ZNF536: variants seen among roughly 807,000 people sequenced by gnomAD.
The protein encoded by ZNF536 is zinc finger protein 536.
A neutral mutation model predicts 84.5 loss-of-function variants in ZNF536; 13 were observed. That is an observed-to-expected ratio of 0.15 (90% CI 0.10 to 0.24). ZNF536 has a LOEUF of 0.24. ZNF536 is among the 10% of genes least tolerant of loss of function. The probability of loss-of-function intolerance (pLI) is 1.00; values close to 1 mark genes in which losing one functional copy is unlikely to be tolerated. For missense variants in ZNF536, 1,536 were observed against 1,747.5 expected, an observed-to-expected ratio of 0.88 and a Z score of 2.16; for synonymous variants, 811 against 742.5, an observed-to-expected ratio of 1.09 and a Z score of -1.50.
rs115034585 is a variant in ZNF536 at position 30,305,930 on chromosome 19, C to T, written c.-120+21789C>T. 4.0e-3 allele frequency among the ~76,000 whole-genome samples: 616 copies of T among 152,306 alleles called. 6 individuals carry two copies. Among genetic ancestry groups the T allele is most frequent in the African/African-American group, 0.014 (569 of 41,562 alleles). ...GGGCCAGGCATGGAGTGGATCCTCC[C>T]GACGTATTTAGTGATTTGATCTGAC... On this transcript the variant is annotated intron_variant, in intron 2 of 5. Coordinates refer to the ZNF536 transcript ENST00000585628.
chr19:30,611,503 C>G (rs963491190), intron 1 of ZNF536, among the ~76,000 whole-genome samples: 2 of 152,206 alleles, frequency 1.3e-5, no homozygotes, highest in Non-Finnish European at 2.9e-5. Context: ...CATATTTGTT[C>G]ACTTACCACA....
intron 2 of ZNF536, among the ~76,000 whole-genome samples, chr19:30,331,402 C>CTCTGCAGT (rs2047208205): frequency 6.8e-6 from 1 of 146,450 alleles, no homozygotes; most frequent in Non-Finnish European, 1.5e-5. Flanking sequence ...TCTCTTCTGT[C>CTCTGCAGT]TCTGCAGTGG....
intron 2 of ZNF536, among the ~76,000 whole-genome samples, chr19:30,317,968 G>T (rs868122606): frequency 2.6e-5 from 4 of 152,320 alleles, no homozygotes; most frequent in South Asian, 4.1e-4. Flanking sequence ...TGCCTACGCT[G>T]CAGGCTAAGC....
intron 1 of ZNF536, among the ~76,000 whole-genome samples, chr19:30,429,464 A>G (rs956139733): frequency 1.3e-5 from 2 of 152,132 alleles, no homozygotes; most frequent in African/African-American, 4.8e-5. Flanking sequence ...GTCTCCAAGA[A>G]CAACTCTAGG....
intron 1 of ZNF536, among the ~76,000 whole-genome samples, chr19:30,418,063 A>T (rs1454765437): frequency 6.6e-6 from 1 of 151,904 alleles, no homozygotes; most frequent in Non-Finnish European, 1.5e-5. Context: ...TTGTTTTGAT[A>T]TAAGTATATT....
chr19:30,651,085 C>T (rs1419266584), intron 1 of ZNF536, among the ~76,000 whole-genome samples: 1 of 152,190 alleles, frequency 6.6e-6, no homozygotes, highest in African/African-American at 2.4e-5. Flanking sequence ...AAAGCCTCAC[C>T]AACAGCTGCG....
chr19:30,619,248 T>G (rs1343444836), intron 1 of ZNF536, among the ~76,000 whole-genome samples: 1 of 152,220 alleles, frequency 6.6e-6, no homozygotes, highest in Non-Finnish European at 1.5e-5. Flanking sequence ...TAAAACTTTA[T>G]TTTGTTTGAT....
chr19:30,407,577 C>A (rs1366246373), intron 1 of ZNF536, among the ~76,000 whole-genome samples: 1 of 152,234 alleles, frequency 6.6e-6, no homozygotes, highest in Non-Finnish European at 1.5e-5. Flanking sequence ...ACAGGCTTCA[C>A]TTTGGGGTTT....
At chr19:30,470,748 T>C (rs1167793112) in intron 2 of ZNF536, among the ~76,000 whole-genome samples, 1 of 149,734 alleles carries the variant, frequency 6.7e-6, no homozygotes. Flanking sequence ...TGCAGTGGTG[T>C]GGTCTCGGCT....
At chr19:30,681,500 C>T (rs16964520) in intron 1 of ZNF536, among the ~76,000 whole-genome samples, 4,182 of 152,238 alleles carry the variant, frequency 0.027, 174 homozygotes, top group African/African-American at 0.096. Flanking sequence ...GAGCTCTCCG[C>T]ATGAAGCGCA....
At position 30,693,540 on chromosome 19, in the gene ZNF536, G is replaced by A. The variant is rs571773092; in HGVS notation, c.170-17217G>A. The stretch of plus-strand genomic sequence containing the variant: ...ATTTTAGAGAGAGCCTTTTATAGTG[G>A]GGGGAGAGAAGAGAAGAAAGGAGGC... On this transcript the variant is annotated intron_variant, in intron 1 of 1. Coordinates refer to the ZNF536 transcript ENST00000592773. Among the ~76,000 whole-genome samples the A allele has an allele frequency of 2.0e-5, 3 of 152,084 alleles. No individual in the cohort carries two copies. The East Asian group carries it at 5.8e-4, about 29-fold the overall frequency.
At chr19:30,349,288 C>T (rs2047852137) in intron 2 of ZNF536, among the ~76,000 whole-genome samples, 2 of 152,246 alleles carry the variant, frequency 1.3e-5, no homozygotes, top group African/African-American at 4.8e-5. Flanking sequence ...GGCTTTCACA[C>T]ATGCAGGCTG....
intron 1 of ZNF536, among the ~76,000 whole-genome samples, chr19:30,273,461 T>C (rs896184550): frequency 1.3e-5 from 2 of 152,246 alleles, no homozygotes; most frequent in African/African-American, 4.8e-5. Flanking sequence ...TTCATTTTTG[T>C]TTGCATTTGC....
At chr19:30,431,120 A>G (rs1368517186) in intron 1 of ZNF536, among the ~76,000 whole-genome samples, 1 of 152,176 alleles carries the variant, frequency 6.6e-6, no homozygotes, top group Admixed American at 6.5e-5. Flanking sequence ...CTATGGCAGG[A>G]ACACTCCCAT....
intron 2 of ZNF536, among the ~76,000 whole-genome samples, chr19:30,301,874 G>C (rs1255242886): frequency 1.3e-5 from 2 of 151,268 alleles, no homozygotes; most frequent in African/African-American, 4.9e-5. Context: ...TTACCAGGCT[G>C]GGTGCAGAGA....
At chr19:30,691,461 A>G (rs2051406057) in intron 1 of ZNF536, among the ~76,000 whole-genome samples, 1 of 151,908 alleles carries the variant, frequency 6.6e-6, no homozygotes, top group East Asian at 2.0e-4. Context: ...GGAATACCAA[A>G]AGGACATCAA....
At chr19:30,524,144 G>A (rs2044480026) in intron 2 of ZNF536, among the ~76,000 whole-genome samples, 1 of 152,176 alleles carries the variant, frequency 6.6e-6, no homozygotes, top group Admixed American at 6.5e-5. Flanking sequence ...TTAAAATGGT[G>A]TGTGTGTCTC....
intron 1 of ZNF536, among the ~76,000 whole-genome samples, chr19:30,584,973 TCTAGTCCCA>T (rs2146717597): frequency 6.6e-6 from 1 of 152,106 alleles, no homozygotes; most frequent in African/African-American, 2.4e-5. Context: ...GGTATGTGCC[TCTAGTCCCA>T]GCTACTTGGG....
At chr19:30,332,630 C>G (rs1488454923) in intron 2 of ZNF536, among the ~76,000 whole-genome samples, 1 of 152,198 alleles carries the variant, frequency 6.6e-6, no homozygotes, top group Non-Finnish European at 1.5e-5. Flanking sequence ...CCTGCTTACT[C>G]ACTTCATCAT....
Sources: allele counts gnomAD v4.1 joint callset (sites outside exome capture counted in the v4.1 genomes callset), GRCh38; gene constraint gnomAD v4.1.1; transcripts MANE v1.5; gene names NCBI Gene and HGNC (gene_info 2026-07-23, HGNC 2026-07-21).